Variants in MGAT5B observed in about 807,000 individuals in gnomAD.
MGAT5B encodes the protein alpha-1,6-mannosylglycoprotein 6-beta-N-acetylglucosaminyltransferase B.
MGAT5B carries 54 observed loss-of-function variants against 95.1 expected under a neutral mutation model. That is an observed-to-expected ratio of 0.57 (90% CI 0.46 to 0.71). MGAT5B has a LOEUF of 0.71. MGAT5B is among the 30% of genes least tolerant of loss of function. MGAT5B has a pLI of 0.00. For missense variants in MGAT5B, 935 were observed against 1,088.6 expected (o/e 0.86, Z 1.99); for synonymous variants, 464 against 451.0 (o/e 1.03, Z -0.36).
Position 76,872,906 on chromosome 17 carries a change from G to C in MGAT5B, c.124G>C (p.Gly42Arg). The change falls in exon 2 of 18, where the codon GGA becomes CGA. Residue 42 changes from glycine (G) to arginine (R), a missense_variant. Physicochemically the swap from Gly to Arg is moderately radical, Grantham distance 125 (BLOSUM62 -2). Coordinates refer to ENST00000569840, the MANE Select transcript of MGAT5B (RefSeq NM_001199172.2). ...FTLCFLMTSLGGQFSARRLGD... is the reference protein window; with the variant it reads ...FTLCFLMTSLRGQFSARRLGD... ...TCTCTGCTTCCTGATGACGTCTCTGGGAGGCCAGTTCTCGGCCCGGCGCCT... is the reference window on the plus strand; with the variant it reads ...TCTCTGCTTCCTGATGACGTCTCTGCGAGGCCAGTTCTCGGCCCGGCGCCT... 6.2e-7 allele frequency: 1 copy of C among 1,614,194 alleles called. No homozygotes were observed.
chr17:76,913,089 A>G (rs78178668), intron 8 of MGAT5B, among the ~76,000 whole-genome samples: 3,355 of 152,296 alleles, frequency 0.022, 108 homozygotes, highest in African/African-American at 0.069. Flanking sequence ...AAAGCTTGAG[A>G]GGAGAATGTT....
rs569412378 is a variant in MGAT5B, at chr17:76,911,102, A to G, written c.1025+4915A>G. ...ACCACCTGAAGCACTTTAGAAACTT[A>G]CCAGTGTTTGGGCCCCTGTCTAGGC... On this transcript the variant is annotated intron_variant, in intron 8 of 17. Transcript: ENST00000569840. Among the ~76,000 whole-genome samples, 46 of 152,302 alleles carry G rather than the reference A, an allele frequency of 3.0e-4. No homozygotes were observed. The South Asian group carries it at 8.3e-3, about 27-fold the overall frequency.
intron 15 of MGAT5B, among the ~76,000 whole-genome samples, chr17:76,942,627 G>A (rs1187589129): frequency 1.3e-5 from 2 of 152,222 alleles, no homozygotes; most frequent in Admixed American, 1.3e-4. Flanking sequence ...CTTAAATGGG[G>A]CTAGAAGTAC....
Position 76,869,198 on chromosome 17 carries a change from C to A in MGAT5B, c.68+101C>A. The A allele has an allele frequency of 9.8e-7, 1 of 1,018,388 alleles. No homozygotes were observed. The highest frequency in any genetic ancestry group is 1.5e-6 in the Non-Finnish European group (1 of 652,790). 63.1% of individuals were successfully genotyped at this position (1,018,388 alleles called of 1,614,324 possible). ...GTTCAAGTCCTGGTGGCAGAGGGGG[C>A]GGTTCACACTTCAACCCCTGGTGAT... On this transcript the variant is annotated intron_variant, in intron 1 of 17. Coordinates refer to ENST00000569840, the MANE Select transcript of MGAT5B (RefSeq NM_001199172.2). This position sits in a 1 kb window ranked among gnomAD's most constrained non-coding sequence, Gnocchi z 7.0.
Position 76,887,757 on chromosome 17 carries a change from A to G in MGAT5B, c.329+5459A>G, listed in dbSNP as rs187796091. On this transcript the variant is annotated intron_variant, in intron 3 of 17. Coordinates refer to ENST00000569840, the MANE Select transcript of MGAT5B (RefSeq NM_001199172.2). ...TTTTTAGTAGAGATGGGGTTTCGCCATATTGCCCAGGCTGGTCTCGAACTC... is the reference window on the plus strand; with the variant it reads ...TTTTTAGTAGAGATGGGGTTTCGCCGTATTGCCCAGGCTGGTCTCGAACTC... Among the ~76,000 whole-genome samples the G allele has an allele frequency of 6.0e-3, 905 of 151,058 alleles. 29 individuals carry two copies. The highest frequency in any genetic ancestry group is 0.052 in the Admixed American group (796 of 15,174).
At chr17:76,903,439 C>G in intron 5 of MGAT5B, 63 bp downstream of exon 5, 1 of 1,417,052 alleles carries the variant, frequency 7.1e-7, no homozygotes, top group Non-Finnish European at 9.6e-7. Context: ...TGGCCCTGGC[C>G]CCTCACCCAG....
intron 13 of MGAT5B, among the ~76,000 whole-genome samples, chr17:76,939,780 T>G (rs191340628): frequency 6.6e-6 from 1 of 152,354 alleles, no homozygotes; most frequent in East Asian, 1.9e-4. Context: ...GGTATTTGGT[T>G]TCTGTTCCAG....
chr17:76,931,778 T>C (rs1969482883), intron 10 of MGAT5B, among the ~76,000 whole-genome samples: 1 of 152,136 alleles, frequency 6.6e-6, no homozygotes, highest in South Asian at 2.1e-4. Context: ...TGAGAGCTGA[T>C]ATGGCCTAGG....
intron 8 of MGAT5B, among the ~76,000 whole-genome samples, chr17:76,920,378 C>T (rs1465487426): frequency 2.0e-5 from 3 of 152,020 alleles, no homozygotes; most frequent in Non-Finnish European, 4.4e-5. Context: ...AATGCACAGC[C>T]GAGCCTCCCG....
rs200400009 is a variant in MGAT5B, at chr17:76,940,384, C to T, written c.1585-18C>T. The T allele has an allele frequency of 2.4e-4, 380 of 1,577,690 alleles. 1 individual carries two copies. Among genetic ancestry groups the T allele is most frequent in the Admixed American group, 3.8e-4 (21 of 55,996 alleles). The stretch of plus-strand genomic sequence containing the variant: ...GCGGCCCAGCCCTCCCTGATCACTG[C>T]GCCCCTTGACTCTGCAGCTCTTCAT... On this transcript the variant is annotated intron_variant, in intron 13 of 17. Transcript: ENST00000569840. This position sits in a 1 kb window ranked among gnomAD's most constrained non-coding sequence, Gnocchi z 4.3.
intron 16 of MGAT5B, among the ~76,000 whole-genome samples, chr17:76,947,204 A>G (rs1970057253): frequency 6.6e-6 from 1 of 152,172 alleles, no homozygotes; most frequent in Admixed American, 6.5e-5. Flanking sequence ...ATTTCCACAG[A>G]TAGTACGTGA....
chr17:76,923,107 G>T (rs1969170606), intron 8 of MGAT5B, among the ~76,000 whole-genome samples: 1 of 152,212 alleles, frequency 6.6e-6, no homozygotes, highest in Non-Finnish European at 1.5e-5. Context: ...CACCACTTTG[G>T]ACGGTGTGCT....
intron 3 of MGAT5B, among the ~76,000 whole-genome samples, chr17:76,902,105 CACGTGTGCATATGTGGGG>C (rs1425695513): frequency 6.6e-6 from 1 of 152,270 alleles, no homozygotes; most frequent in East Asian, 1.9e-4. Flanking sequence ...CAGTTGTGGG[CACGTGTGCATATGTGGGG>C]ACATGTGCAG....
In MGAT5B at chr17:76,882,687, G is replaced by A. The variant is rs78773249; in HGVS notation, c.329+389G>A. 6.4e-3 allele frequency among the ~76,000 whole-genome samples: 955 copies of A among 148,076 alleles called. 26 individuals are homozygous for A. Among genetic ancestry groups the A allele is most frequent in the Admixed American group, 0.042 (620 of 14,782 alleles). On this transcript the variant is annotated intron_variant, in intron 3 of 17. Transcript: ENST00000569840. ...AATTCCATGTAAGTGGCATCTCACA[G>A]CACATATTCCACTGCCCCTTTTTTT...
rs58143126 is a variant in MGAT5B at position 76,927,131 on chromosome 17, C to A, written c.1291+401C>A. ...AGCAGGCAGGCAGTGGGAACAGATG[C>A]AGTAAAGAGGGATGTGGGAAGAACT... On this transcript the variant is annotated intron_variant, in intron 10 of 17. Transcript: ENST00000569840. 2.6e-5 allele frequency among the ~76,000 whole-genome samples: 4 copies of A among 152,088 alleles called. No individual in the cohort carries two copies. In the East Asian group the frequency reaches 7.7e-4, roughly 29 times the overall value.
At position 76,938,494 on chromosome 17, in the gene MGAT5B, G is replaced by C. The variant is rs994842303; in HGVS notation, c.1584+351G>C. Among the ~76,000 whole-genome samples the C allele has an allele frequency of 6.6e-6, 1 of 152,238 alleles. No homozygotes were observed. Among genetic ancestry groups the C allele is most frequent in the Non-Finnish European group, 1.5e-5 (1 of 68,050 alleles). On this transcript the variant is annotated intron_variant, in intron 13 of 17. Coordinates refer to ENST00000569840, the MANE Select transcript of MGAT5B (RefSeq NM_001199172.2). This position sits in a 1 kb window ranked among gnomAD's most constrained non-coding sequence, Gnocchi z 4.3. ...GCTTTTGGAGACACTGAGCTGGGGGGTGGTTGGGTGGGTGGAGAGAAGGGT... is the reference window on the plus strand; with the variant it reads ...GCTTTTGGAGACACTGAGCTGGGGGCTGGTTGGGTGGGTGGAGAGAAGGGT...
In MGAT5B at chr17:76,906,245, C is replaced by T. The variant is rs1004163648; in HGVS notation, c.1025+58C>T. ...GGGGCAGGGAGGGGATGAAGGGGAA[C>T]CCCACCCCTCCCTCCCAGGGGCTGT... On this transcript the variant is annotated intron_variant, in intron 8 of 17. Coordinates refer to ENST00000569840, the MANE Select transcript of MGAT5B (RefSeq NM_001199172.2). This position sits in a 1 kb window ranked among gnomAD's most constrained non-coding sequence, Gnocchi z 4.6. 1.2e-5 allele frequency: 18 copies of T among 1,498,322 alleles called. No individual in the cohort carries two copies. Among genetic ancestry groups the T allele is most frequent in the East Asian group, 2.6e-5 (1 of 38,260 alleles). The allele number at this position is 1,498,322 out of a possible 1,614,324, so 92.8% of individuals were successfully genotyped here.
Position 76,889,205 on chromosome 17 carries a change from AG to A in MGAT5B, c.329+6908del, listed in dbSNP as rs1327123421. Among the ~76,000 whole-genome samples, 2 of 152,042 alleles carry A rather than the reference AG, an allele frequency of 1.3e-5. No individual in the cohort carries two copies. The highest frequency in any genetic ancestry group is 2.9e-5 in the Non-Finnish European group (2 of 67,994). ...GCGCAGGGGCAGTGTCAGCCCTGGG[AG>A]CTCGCCGTGTGACCTTGGGAAAGCC... On this transcript the variant is annotated intron_variant, in intron 3 of 17. Transcript: ENST00000569840. The surrounding 1 kb of genome is among the most constrained non-coding windows in gnomAD (Gnocchi z 4.4).
chr17:76,897,731 CTTTTTTTTTT>C (rs59682650), intron 3 of MGAT5B, among the ~76,000 whole-genome samples: 1 of 84,846 alleles, frequency 1.2e-5, no homozygotes, highest in Non-Finnish European at 2.5e-5. Flanking sequence ...CTTTCTTTTT[CTTTTTTTTTT>C]TTTTTTTTGG....
Sources: gnomAD v4.1 joint callset for allele counts (sites outside exome capture counted in the v4.1 genomes callset) on GRCh38, gnomAD v4.1.1 for gene constraint, Gnocchi (gnomAD v3.1) non-coding constraint, MANE v1.5 for transcripts, NCBI Gene and HGNC (gene_info 2026-07-23, HGNC 2026-07-21) for gene names.